SFSWAP: variants seen among roughly 807,000 people sequenced by gnomAD.
SFSWAP encodes the protein splicing factor, suppressor of white-apricot homolog.
SFSWAP carries 17 observed loss-of-function variants against 100.7 expected under a neutral mutation model. The ratio of observed to expected loss-of-function variants is 0.17; its 90% CI spans 0.12 to 0.25. The LOEUF is 0.25. SFSWAP is among the 10% of genes least tolerant of loss of function. The probability of loss-of-function intolerance (pLI) is 1.00; values close to 1 mark genes in which losing one functional copy is unlikely to be tolerated. For missense variants in SFSWAP, 1,005 were observed against 1,262.6 expected (o/e 0.80, Z 3.09); for synonymous variants, 504 against 510.1 (o/e 0.99, Z 0.16).
intron 4 of SFSWAP, among the ~76,000 whole-genome samples, chr12:131,720,661 A>G (rs1018328842): frequency 1.3e-5 from 2 of 152,124 alleles, no homozygotes; most frequent in Non-Finnish European, 2.9e-5. Flanking sequence ...CACTGCGATC[A>G]CTCGCTGCCA....
intron 5 of SFSWAP, among the ~76,000 whole-genome samples, chr12:131,726,189 CAT>C (rs796995526): frequency 8.8e-5 from 13 of 148,136 alleles, no homozygotes; most frequent in African/African-American, 2.7e-4. Context: ...CACACACACA[CAT>C]CTTCCATTGA....
At chr12:131,738,879 A>ATTTTTTTTTT (rs1880299708) in intron 7 of SFSWAP, among the ~76,000 whole-genome samples, 2 of 47,128 alleles carry the variant, frequency 4.2e-5, no homozygotes, top group Non-Finnish European at 1.4e-4. Context: ...TGTAATGAAC[A>ATTTTTTTTTT]TTATTCTTTT....
chr12:131,749,405 T>G (rs907622749), intron 7 of SFSWAP, among the ~76,000 whole-genome samples: 2 of 152,218 alleles, frequency 1.3e-5, no homozygotes, highest in Non-Finnish European at 2.9e-5. Context: ...CAGCCCAGAC[T>G]TCAGTTTGTA....
intron 11 of SFSWAP, among the ~76,000 whole-genome samples, chr12:131,759,111 C>A (rs898878752): frequency 6.6e-6 from 1 of 152,034 alleles, no homozygotes; most frequent in African/African-American, 2.4e-5. Flanking sequence ...ACACAAGCTA[C>A]AACTAGAAGT....
chr12:131,778,270 G>C lies in SFSWAP; in HGVS notation c.2348G>C (p.Arg783Thr). Residue 783 changes from arginine to threonine, a missense_variant, in exon 14 of 18, where the codon AGA (arginine) becomes ACA (threonine). Around this residue, in one of 7 missense-constraint regions of SFSWAP, gnomAD observed 295 missense variants for 347.9 expected, o/e 0.85. Coordinates refer to ENST00000261674, the MANE Select transcript of SFSWAP (RefSeq NM_004592.4). The surrounding 1 kb of genome is among the most constrained non-coding windows in gnomAD (Gnocchi z 4.2). Reference protein sequence around the residue: ...KYHSSSKSRSRSHSKAKHSLP... With the variant: ...KYHSSSKSRSTSHSKAKHSLP... ...CATTCGTCATCCAAGTCCAGGTCTA[G>C]ATCACACTCAAAAGCAAAGCATTCT... is the stretch of plus-strand genomic sequence containing the variant. 1 of 1,614,198 alleles carries C rather than the reference G, an allele frequency of 6.2e-7. No homozygotes were observed. The highest frequency in any genetic ancestry group is 8.5e-7 in the Non-Finnish European group (1 of 1,180,044).
intron 8 of SFSWAP, 31 bp from the exon 9 acceptor site, chr12:131,754,337 C>T: frequency 6.7e-7 from 1 of 1,483,638 alleles, no homozygotes; most frequent in Non-Finnish European, 9.0e-7. Context: ...GCCCCTGAAG[C>T]CCAGGGGTCT....
chr12:131,789,037 G>C (rs1286854488), intron 15 of SFSWAP, among the ~76,000 whole-genome samples: 1 of 151,830 alleles, frequency 6.6e-6, no homozygotes, highest in Non-Finnish European at 1.5e-5. Context: ...CTGGAGTGCA[G>C]TGGCACAATC....
At chr12:131,740,972 T>TC (rs1464033191) in intron 7 of SFSWAP, among the ~76,000 whole-genome samples, 9 of 125,412 alleles carry the variant, frequency 7.2e-5, no homozygotes, top group Middle Eastern at 3.8e-3. Flanking sequence ...TTTTCTTTTT[T>TC]TTTTTTTTTT....
chr12:131,742,284 C>G (rs773818130), intron 7 of SFSWAP, among the ~76,000 whole-genome samples: 49 of 152,216 alleles, frequency 3.2e-4, no homozygotes, highest in African/African-American at 8.9e-4. Flanking sequence ...GCCACTTGCT[C>G]TCTTTACCCA....
In SFSWAP at chr12:131,791,517, C is replaced by CT. The variant is rs775529500; in HGVS notation, c.2534+4930dup. 7.2e-5 allele frequency among the ~76,000 whole-genome samples: 11 copies of CT among 152,300 alleles called. 1 individual carries two copies. The Middle Eastern group carries it at 0.017, about 235-fold the overall frequency. On this transcript the variant is annotated intron_variant, in intron 15 of 17. Transcript: ENST00000261674. ...TCTGTAATCCCAGCACTTCAGGAGG[C>CT]TGAGGCAGGTGGATCACGAGGTCAG...
chr12:131,783,588 C>G (rs1442133207), intron 14 of SFSWAP: 1 of 151,046 alleles, frequency 6.6e-6, no homozygotes, highest in African/African-American at 2.4e-5. Flanking sequence ...TTGAGACCAT[C>G]CTGGCTAACA....
chr12:131,728,959 T>G (rs777902771), intron 7 of SFSWAP, among the ~76,000 whole-genome samples: 1 of 152,066 alleles, frequency 6.6e-6, no homozygotes, highest in Non-Finnish European at 1.5e-5. Context: ...CCTTCAAAAG[T>G]GCTAGGATTG....
At chr12:131,791,357 C>T (rs1247707535) in intron 15 of SFSWAP, among the ~76,000 whole-genome samples, 2 of 151,706 alleles carry the variant, frequency 1.3e-5, no homozygotes, top group African/African-American at 2.4e-5. Flanking sequence ...CCACTGCACT[C>T]CAGCCTGGGT....
At chr12:131,739,646 C>T (rs1011081035) in intron 7 of SFSWAP, among the ~76,000 whole-genome samples, 6 of 147,256 alleles carry the variant, frequency 4.1e-5, no homozygotes, top group East Asian at 2.1e-4. Flanking sequence ...CCTGGGTTCA[C>T]GCCATTCTTC....
At chr12:131,779,950 C>G (rs1404771780) in intron 14 of SFSWAP, among the ~76,000 whole-genome samples, 1 of 152,176 alleles carries the variant, frequency 6.6e-6, no homozygotes, top group Admixed American at 6.5e-5. Context: ...CCACGCCCAG[C>G]TAATTTTGTT....
At chr12:131,729,544 A>G (rs1427371348) in intron 7 of SFSWAP, among the ~76,000 whole-genome samples, 1 of 152,212 alleles carries the variant, frequency 6.6e-6, no homozygotes, top group Non-Finnish European at 1.5e-5. Flanking sequence ...ATAAGTTAAC[A>G]TATGCACTGA....
At position 131,736,625 on chromosome 12, in the gene SFSWAP, G is replaced by A. The variant is rs1181188496; in HGVS notation, c.1081+8197G>A. The stretch of plus-strand genomic sequence containing the variant: ...TAGTAAACACCCCTCCAGCGCTTTG[G>A]TTCAGCTCAGCTCCAGCGAATGTTA... On this transcript the variant is annotated intron_variant, in intron 7 of 17. Coordinates refer to ENST00000261674, the MANE Select transcript of SFSWAP (RefSeq NM_004592.4). Among the ~76,000 whole-genome samples, 3 of 152,082 alleles carry A rather than the reference G, an allele frequency of 2.0e-5. No individual in the cohort carries two copies. The East Asian group carries it at 5.8e-4, about 29-fold the overall frequency.
chr12:131,770,326 G>A (rs928193190), intron 13 of SFSWAP, among the ~76,000 whole-genome samples: 3 of 152,228 alleles, frequency 2.0e-5, no homozygotes, highest in African/African-American at 2.4e-5. Flanking sequence ...CTGAGGGCAC[G>A]TCGGCACCAG....
rs576562646 is a variant in SFSWAP, at chr12:131,728,376, C to A, written c.1029C>A (p.His343Gln). The A allele has an allele frequency of 6.2e-7, 1 of 1,614,158 alleles. No individual in the cohort carries two copies. Among genetic ancestry groups the A allele is most frequent in the African/African-American group, 1.3e-5 (1 of 74,948 alleles). The change falls in exon 7 of 18, where the codon CAC becomes CAA. Residue 343 changes from histidine to glutamine, a missense_variant. Physicochemically the swap from His to Gln is conservative, Grantham distance 24. Around this residue, in one of 7 missense-constraint regions of SFSWAP, gnomAD observed 311 missense variants for 317.8 expected, o/e 0.98. Coordinates refer to ENST00000261674, the MANE Select transcript of SFSWAP (RefSeq NM_004592.4). ...CTGACAGTTCCACTCCCACCCCACA[C>A]AACGCAGACGGTGCGCCTGTGCAGC... ...AQADSSTPTP[H>Q]NADGAPVQPS...
Sources: allele counts gnomAD v4.1 joint callset (sites outside exome capture counted in the v4.1 genomes callset), GRCh38; gene constraint gnomAD v4.1.1; regional missense constraint gnomAD v4.1.1; non-coding constraint Gnocchi (gnomAD v3.1); transcripts MANE v1.5; gene names NCBI Gene and HGNC (gene_info 2026-07-23, HGNC 2026-07-21).